PPIP5K2: variants seen among roughly 807,000 people sequenced by gnomAD.
PPIP5K2 encodes the protein inositol hexakisphosphate and diphosphoinositol-pentakisphosphate kinase 2.
PPIP5K2 carries 105 observed loss-of-function variants against 154.6 expected under a neutral mutation model. The ratio of observed to expected loss-of-function variants is 0.68; its 90% CI spans 0.58 to 0.80. PPIP5K2 has a LOEUF of 0.80. Among genes scored for constraint, PPIP5K2 ranks in the 30% least tolerant of loss-of-function variants. The pLI is 0.00. For missense variants in PPIP5K2, 992 were observed against 1,504.6 expected, an observed-to-expected ratio of 0.66 and a Z score of 5.64; for synonymous variants, 480 against 490.3, an observed-to-expected ratio of 0.98 and a Z score of 0.28.
intron 24 of PPIP5K2, 82 bp from the exon 25 acceptor site, chr5:103,183,152 T>G: frequency 1.7e-6 from 2 of 1,158,934 alleles, no homozygotes; most frequent in Non-Finnish European, 2.2e-6. Context: ...TTTGGCTCTG[T>G]TGTATCTAAC....
intron 27 of PPIP5K2, 135 bp from the exon 28 acceptor site, chr5:103,187,170 ATATTTACCT>A: frequency 5.3e-6 from 3 of 560,926 alleles, no homozygotes; most frequent in Non-Finnish European, 9.3e-6. Context: ...CTTTTAACCA[ATATTTACCT>A]TATTACATTC....
chr5:103,176,827 C>G, intron 21 of PPIP5K2: 1 of 1,213,126 alleles, frequency 8.2e-7, no homozygotes, highest in Non-Finnish European at 1.1e-6. Context: ...TCTCTAAGAT[C>G]CTTTTCAGTT....
chr5:103,196,128 A>G (rs959826686), intron 30 of PPIP5K2, among the ~76,000 whole-genome samples: 1 of 152,172 alleles, frequency 6.6e-6, no homozygotes, highest in African/African-American at 2.4e-5. Flanking sequence ...ACTTCTCCCC[A>G]AATAAATTCC....
chr5:103,136,900 C>T, intron 4 of PPIP5K2, 78 bp downstream of exon 4: 1 of 1,015,792 alleles, frequency 9.8e-7, no homozygotes, highest in Admixed American at 1.8e-5. Context: ...GACATGGCAT[C>T]AGGTGTTTTT....
At chr5:103,120,557 TG>T in intron 1 of PPIP5K2, 69 bp downstream of exon 1, 1 of 456,044 alleles carries the variant, frequency 2.2e-6, no homozygotes, top group Non-Finnish European at 4.4e-6. Flanking sequence ...AGGCGGCTGC[TG>T]GGCTTCTGCT....
At chr5:103,165,723 G>A (rs1448078149) in intron 17 of PPIP5K2, among the ~76,000 whole-genome samples, 1 of 152,112 alleles carries the variant, frequency 6.6e-6, no homozygotes, top group Non-Finnish European at 1.5e-5. Context: ...CTCGTTTTAA[G>A]ATGGGACGAG....
At chr5:103,195,493 A>G (rs958296152) in intron 30 of PPIP5K2, among the ~76,000 whole-genome samples, 14 of 152,110 alleles carry the variant, frequency 9.2e-5, no homozygotes, top group African/African-American at 3.4e-4. Context: ...TTTCCTGATA[A>G]TATTTTCATC....
At chr5:103,160,266 C>T (rs1384596433) in intron 17 of PPIP5K2, among the ~76,000 whole-genome samples, 1 of 152,088 alleles carries the variant, frequency 6.6e-6, no homozygotes, top group Admixed American at 6.5e-5. Flanking sequence ...GATTTCATTT[C>T]CTTTAGCTGT....
At chr5:103,189,730 A>G (rs1235078918) in intron 28 of PPIP5K2, among the ~76,000 whole-genome samples, 1 of 152,068 alleles carries the variant, frequency 6.6e-6, no homozygotes, top group Non-Finnish European at 1.5e-5. Context: ...TCTTTTAACC[A>G]AAGTTTCCTT....
intron 5 of PPIP5K2, among the ~76,000 whole-genome samples, chr5:103,144,949 G>T (rs1554208676): frequency 6.6e-6 from 1 of 151,916 alleles, no homozygotes; most frequent in African/African-American, 2.4e-5. Flanking sequence ...GCACAGCAAA[G>T]GAAACAATAC....
At chr5:103,154,560 G>C in intron 11 of PPIP5K2, 110 bp from the exon 12 acceptor site, 1 of 644,754 alleles carries the variant, frequency 1.6e-6, no homozygotes, top group South Asian at 2.6e-5. Context: ...GAAATCCTTA[G>C]ATCCCAAGTT....
At position 103,151,239 on chromosome 5, in the gene PPIP5K2, C is replaced by CT. The variant is rs1794608350; in HGVS notation, c.907-12dup. 1 of 1,580,348 alleles carries CT rather than the reference C, an allele frequency of 6.3e-7. No individual in the cohort carries two copies. Among genetic ancestry groups the CT allele is most frequent in the African/African-American group, 1.4e-5 (1 of 73,122 alleles). ...TTAAATAAAACCTTAAAGTTTATAA[C>CT]TTATTTTAAATAGCAAACAGTTTGT... On this transcript the variant is annotated splice_polypyrimidine_tract_variant and intron_variant, in intron 8 of 30. Transcript: ENST00000358359.
At chr5:103,189,973 C>T (rs1029343415) in intron 28 of PPIP5K2, among the ~76,000 whole-genome samples, 13 of 151,950 alleles carry the variant, frequency 8.6e-5, no homozygotes, top group African/African-American at 2.9e-4. Flanking sequence ...CAGAAAGACT[C>T]GTTATTTTTA....
At chr5:103,155,406 CTTTTTTTTTTTTTTTTTTTTT>C (rs70990423) in intron 13 of PPIP5K2, among the ~76,000 whole-genome samples, 743 of 21,088 alleles carry the variant, frequency 0.035, 15 homozygotes, top group Non-Finnish European at 0.068. Context: ...TCAGAGTTGT[CTTTTTTTTTTTTTTTTTTTTT>C]TTTTTTTTTT....
chr5:103,152,873 T>C (rs1794845318), intron 10 of PPIP5K2, 124 bp downstream of exon 10: 1 of 604,372 alleles, frequency 1.7e-6, no homozygotes, highest in Non-Finnish European at 2.9e-6. Flanking sequence ...ATGATTCAGC[T>C]TGAAGATAGA....
intron 10 of PPIP5K2, among the ~76,000 whole-genome samples, chr5:103,153,522 T>C (rs1284038540): frequency 6.6e-6 from 1 of 151,944 alleles, no homozygotes; most frequent in East Asian, 1.9e-4. Flanking sequence ...AGTGACCTAA[T>C]GCTATGGATC....
At chr5:103,125,830 A>C (rs937498421) in intron 1 of PPIP5K2, among the ~76,000 whole-genome samples, 3 of 152,108 alleles carry the variant, frequency 2.0e-5, no homozygotes. Flanking sequence ...ACGGGGTTTC[A>C]CCATGTTGGC....
intron 19 of PPIP5K2, among the ~76,000 whole-genome samples, chr5:103,169,173 AG>A (rs1797571798): frequency 6.6e-6 from 1 of 151,860 alleles, no homozygotes; most frequent in Non-Finnish European, 1.5e-5. Flanking sequence ...TTGATAATAA[AG>A]GGGTAAGTGG....
At chr5:103,192,864 C>G (rs140723563) in intron 29 of PPIP5K2, among the ~76,000 whole-genome samples, 1 of 152,060 alleles carries the variant, frequency 6.6e-6, no homozygotes, top group Admixed American at 6.6e-5. Flanking sequence ...CAATTAGTTA[C>G]TAACAGAACT....
Sources: allele counts gnomAD v4.1 joint callset (sites outside exome capture counted in the v4.1 genomes callset), GRCh38; gene constraint gnomAD v4.1.1; transcripts MANE v1.5; gene names NCBI Gene and HGNC (gene_info 2026-07-23, HGNC 2026-07-21).